Variants in TULP4 observed in about 807,000 individuals in gnomAD.
The protein encoded by TULP4 is tubby-related protein 4.
A neutral mutation model predicts 129.0 loss-of-function variants in TULP4; 16 were observed. That is an observed-to-expected ratio of 0.12 (90% CI 0.08 to 0.19). The LOEUF (loss-of-function observed/expected upper bound fraction) is 0.19. TULP4 is among the 10% of genes least tolerant of loss of function. TULP4 has a pLI of 1.00. For missense variants in TULP4, 1,842 were observed against 2,059.1 expected, an observed-to-expected ratio of 0.89 and a Z score of 2.04; for synonymous variants, 998 against 854.0, an observed-to-expected ratio of 1.17 and a Z score of -2.94.
chr6:158,448,930 C>A, intron 3 of TULP4, 66 bp from the exon 4 acceptor site: 1 of 1,509,438 alleles, frequency 6.6e-7, no homozygotes, highest in Non-Finnish European at 9.0e-7. Context: ...CAAATCGAGG[C>A]AACAAGGTGT....
intron 1 of TULP4, among the ~76,000 whole-genome samples, chr6:158,269,872 G>A (rs1039462954): frequency 1.3e-5 from 2 of 152,200 alleles, no homozygotes; most frequent in Admixed American, 1.3e-4. Flanking sequence ...CCGGTGCCCG[G>A]CAGTCTTGCT....
chr6:158,232,492 G>T (rs1359080434), intron 1 of TULP4, among the ~76,000 whole-genome samples: 4 of 150,910 alleles, frequency 2.7e-5, no homozygotes, highest in Non-Finnish European at 5.9e-5. Context: ...AGGGGGCGGC[G>T]CAAGGGGGCG....
At position 158,274,572 on chromosome 6, in the gene TULP4, C is replaced by T. The variant is rs112025372; in HGVS notation, n.69-37479C>T. ...CGGGCGGATCATGAGGTCAGGAGATCGAGACCATCCTGGCTAACACGTTGA... is the reference window on the plus strand; with the variant it reads ...CGGGCGGATCATGAGGTCAGGAGATTGAGACCATCCTGGCTAACACGTTGA... On this transcript the variant is annotated intron_variant and non_coding_transcript_variant, in intron 1 of 1. Coordinates refer to the TULP4 transcript ENST00000620026. 2.6e-4 allele frequency among the ~76,000 whole-genome samples: 39 copies of T among 152,090 alleles called. 2 individuals carry two copies. Among genetic ancestry groups the T allele is most frequent in the African/African-American group, 8.2e-4 (34 of 41,484 alleles).
chr6:158,276,927 T>C (rs1778659310), intron 1 of TULP4, among the ~76,000 whole-genome samples: 1 of 152,058 alleles, frequency 6.6e-6, no homozygotes, highest in African/African-American at 2.4e-5. Context: ...TTTTTTGGTC[T>C]TTTTTTCCTT....
chr6:158,487,354 C>T (rs191651408), intron 8 of TULP4, among the ~76,000 whole-genome samples: 6 of 152,270 alleles, frequency 3.9e-5, no homozygotes, highest in South Asian at 2.1e-4. Context: ...GCAGGAGAAT[C>T]GCTTGAATCC....
chr6:158,475,562 T>C (rs527296375), intron 6 of TULP4, among the ~76,000 whole-genome samples: 9 of 152,180 alleles, frequency 5.9e-5, no homozygotes, highest in Admixed American at 2.6e-4. Flanking sequence ...ACAACGTGAA[T>C]CTGGGAGCTT....
chr6:158,405,018 C>T (rs1168866349), intron 1 of TULP4, among the ~76,000 whole-genome samples: 1 of 152,054 alleles, frequency 6.6e-6, no homozygotes, highest in Non-Finnish European at 1.5e-5. Flanking sequence ...AGAGTTTAAC[C>T]TTCTTTCAGC....
chr6:158,491,681 TA>T (rs1780214450), intron 9 of TULP4, among the ~76,000 whole-genome samples: 1 of 151,354 alleles, frequency 6.6e-6, no homozygotes, highest in South Asian at 2.1e-4. Flanking sequence ...TTAGTAGAGA[TA>T]AGGTTTCACC....
At chr6:158,459,713 G>A (rs1365340252) in intron 5 of TULP4, among the ~76,000 whole-genome samples, 4 of 152,140 alleles carry the variant, frequency 2.6e-5, no homozygotes, top group Admixed American at 1.3e-4. Context: ...ATTTCATGTC[G>A]TCATCTTTAT....
chr6:158,488,028 G>C (rs1218061562), intron 8 of TULP4, among the ~76,000 whole-genome samples: 1 of 152,186 alleles, frequency 6.6e-6, no homozygotes. Flanking sequence ...CACTTTGGGA[G>C]GCTGAGGCAG....
chr6:158,445,139 A>T (rs1779005342), intron 3 of TULP4, among the ~76,000 whole-genome samples: 1 of 152,160 alleles, frequency 6.6e-6, no homozygotes, highest in East Asian at 1.9e-4. Flanking sequence ...ACTGCCCTGC[A>T]GTGAGTATAT....
chr6:158,416,467 T>G (rs868116472), intron 2 of TULP4, among the ~76,000 whole-genome samples: 1 of 149,970 alleles, frequency 6.7e-6, no homozygotes, highest in Non-Finnish European at 1.5e-5. Flanking sequence ...AAAAAAAAAA[T>G]TAATAGAAAA....
intron 1 of TULP4, among the ~76,000 whole-genome samples, chr6:158,236,804 T>TTA (rs1777716516): frequency 4.0e-5 from 2 of 50,362 alleles, no homozygotes; most frequent in African/African-American, 1.4e-4. Context: ...TCTTTTTTTT[T>TTA]TTTTTTTTTT....
chr6:158,473,212 A>G (rs183702512), intron 6 of TULP4, among the ~76,000 whole-genome samples: 8 of 152,338 alleles, frequency 5.3e-5, no homozygotes. Context: ...GGCGAATCCT[A>G]TAGCAAAAAT....
chr6:158,392,410 C>CT (rs996842787), intron 1 of TULP4, among the ~76,000 whole-genome samples: 2 of 152,190 alleles, frequency 1.3e-5, no homozygotes, highest in Non-Finnish European at 2.9e-5. Context: ...CTACCTGTAG[C>CT]TTATGCAAAT....
chr6:158,389,672 G>A (rs967458550), intron 1 of TULP4, among the ~76,000 whole-genome samples: 3 of 152,142 alleles, frequency 2.0e-5, no homozygotes, highest in African/African-American at 7.2e-5. Flanking sequence ...GAATCATGTG[G>A]TGTGCCTTTT....
chr6:158,297,452 C>G (rs1266112002), intron 1 of TULP4, among the ~76,000 whole-genome samples: 1 of 152,038 alleles, frequency 6.6e-6, no homozygotes, highest in Non-Finnish European at 1.5e-5. Context: ...GATGTACATC[C>G]TCAGCTTACG....
rs780002805 is a variant in TULP4, at chr6:158,505,900, T to C, written c.4516-678T>C. On this transcript the variant is annotated intron_variant, in intron 13 of 13. Transcript: ENST00000367097. ...TTTTTCTTTTAGATTCAGGGGTACA[T>C]GTGCTTGTTACATGAGCATTACGTG... is the stretch of plus-strand genomic sequence containing the variant. Among the ~76,000 whole-genome samples, 40 of 152,158 alleles carry C rather than the reference T, an allele frequency of 2.6e-4. 1 individual carries two copies. Among genetic ancestry groups the C allele is most frequent in the South Asian group, 2.5e-3 (12 of 4,816 alleles).
At chr6:158,337,711 C>CTA (rs1208186836) in intron 1 of TULP4, among the ~76,000 whole-genome samples, 1 of 151,994 alleles carries the variant, frequency 6.6e-6, no homozygotes, top group Non-Finnish European at 1.5e-5. Context: ...CACTGGATAC[C>CTA]AATCAATCGA....
Sources: gnomAD v4.1 joint callset for allele counts (sites outside exome capture counted in the v4.1 genomes callset) on GRCh38, gnomAD v4.1.1 for gene constraint, MANE v1.5 for transcripts, NCBI Gene and HGNC (gene_info 2026-07-23, HGNC 2026-07-21) for gene names.